Variants in CAND1 observed in about 807,000 individuals in gnomAD.
The protein encoded by CAND1 is cullin-associated NEDD8-dissociated protein 1.
A neutral mutation model predicts 108.5 loss-of-function variants in CAND1; 7 were observed. That is an observed-to-expected ratio of 0.06 (90% confidence interval 0.04 to 0.12). The LOEUF is 0.12. CAND1 is among the 10% of genes least tolerant of loss of function. CAND1 has a pLI of 1.00. For synonymous variants in CAND1, 534 were observed against 512.0 expected (o/e 1.04, Z -0.58); for missense variants, 941 against 1,448.7 (o/e 0.65, Z 5.69).
At chr12:67,281,142 A>G (rs2044616094) in intron 1 of CAND1, among the ~76,000 whole-genome samples, 1 of 150,794 alleles carries the variant, frequency 6.6e-6, no homozygotes, top group Admixed American at 6.6e-5. Flanking sequence ...ATAATACTAA[A>G]TTATTATTTT....
At chr12:67,291,154 C>CT (rs2044718482) in intron 2 of CAND1, among the ~76,000 whole-genome samples, 1 of 152,188 alleles carries the variant, frequency 6.6e-6, no homozygotes, top group Non-Finnish European at 1.5e-5. Context: ...AAAGGAAGGA[C>CT]TTTCCTCCAT....
Position 67,300,309 on chromosome 12 carries a change from G to C in CAND1, c.1000+1214G>C, listed in dbSNP as rs529809243. On this transcript the variant is annotated intron_variant, in intron 7 of 14. Coordinates refer to ENST00000545606, the MANE Select transcript of CAND1 (RefSeq NM_018448.5). ...CTGTTATACTGTTGATTTTTTTGTT[G>C]ATCTCATCTAGTCTCCTGGCTTTAA... is the stretch of plus-strand genomic sequence containing the variant. 1.1e-4 allele frequency among the ~76,000 whole-genome samples: 16 copies of C among 151,976 alleles called. No homozygotes were observed. The East Asian group carries it at 3.1e-3, about 29-fold the overall frequency.
At chr12:67,295,190 T>C (rs2044758182) in intron 4 of CAND1, 34 bp downstream of exon 4, 1 of 1,549,504 alleles carries the variant, frequency 6.5e-7, no homozygotes, top group Non-Finnish European at 8.7e-7. Flanking sequence ...TTACTCGTAA[T>C]ACAGATAACT....
Position 67,313,480 on chromosome 12 carries a change from A to G in CAND1, c.*650A>G, listed in dbSNP as rs1484641237. On this transcript the variant is annotated 3_prime_UTR_variant, in exon 15 of 15. Coordinates refer to ENST00000545606, the MANE Select transcript of CAND1 (RefSeq NM_018448.5). ...GTAAAGCAGCATGTGCAGATTATTC[A>G]TAATATAGAAGTTAAAATAAGTATT... The G allele has an allele frequency of 5.2e-5, 8 of 152,648 alleles. No individual in the cohort carries two copies. The highest frequency in any genetic ancestry group is 1.2e-4 in the Non-Finnish European group (8 of 68,026). The allele number at this position is 152,648 out of a possible 1,614,324, so 9.5% of individuals were successfully genotyped here. A position where few individuals can be genotyped will look rare whatever the true frequency, so the allele number is the denominator to read the frequency against.
At chr12:67,279,495 C>T (rs368584792) in intron 1 of CAND1, among the ~76,000 whole-genome samples, 3 of 152,286 alleles carry the variant, frequency 2.0e-5, no homozygotes, top group South Asian at 2.1e-4. Context: ...ATTTCAGGGT[C>T]ACCATTTAAA....
At position 67,306,594 on chromosome 12, in the gene CAND1, T is replaced by C. The variant is rs1188428321; in HGVS notation, c.2926T>C (p.Ser976Pro). The change falls in exon 10 of 15, where the codon TCA (serine) becomes CCA (proline). Residue 976 changes from serine to proline, a missense_variant. Transcript: ENST00000545606. ...TCCACGGCTTAAGGGGTACTTGATA[T>C]CAGGTAGGTATCTAGATTTTCTTAC... ...LLPRLKGYLI[S>P]GSSYARSSVV... The C allele has an allele frequency of 2.5e-6, 4 of 1,591,310 alleles. No homozygotes were observed. Among genetic ancestry groups the C allele is most frequent in the South Asian group, 1.1e-5 (1 of 86,992 alleles).
intron 2 of CAND1, among the ~76,000 whole-genome samples, chr12:67,291,332 A>G (rs1014169850): frequency 3.3e-5 from 5 of 152,240 alleles, no homozygotes; most frequent in Admixed American, 1.3e-4. Context: ...TTAGACAAGT[A>G]TATAAAAGGC....
At chr12:67,297,881 C>T (rs1257370583) in intron 6 of CAND1, 28 bp downstream of exon 6, 2 of 1,397,060 alleles carry the variant, frequency 1.4e-6, no homozygotes, top group Non-Finnish European at 2.0e-6. Flanking sequence ...CTATTTTTTA[C>T]AAAAAGTTTT....
Position 67,313,012 on chromosome 12 carries a change from A to G in CAND1, c.*182A>G. On this transcript the variant is annotated 3_prime_UTR_variant, in exon 15 of 15. Transcript: ENST00000545606. Reference sequence around the variant, plus strand: ...TGTTTTTGTAGCATTTATTTCAGAAATGTGTATTTCCATAATCCAGAGGTT... The same window carrying G: ...TGTTTTTGTAGCATTTATTTCAGAAGTGTGTATTTCCATAATCCAGAGGTT... The G allele has an allele frequency of 1.9e-6, 1 of 527,426 alleles. No homozygotes were observed. The highest frequency in any genetic ancestry group is 3.4e-6 in the Non-Finnish European group (1 of 298,420). 32.7% of individuals were successfully genotyped at this position (527,426 alleles called of 1,614,324 possible).
intron 1 of CAND1, among the ~76,000 whole-genome samples, chr12:67,274,559 T>G (rs1272932563): frequency 6.6e-6 from 1 of 152,200 alleles, no homozygotes; most frequent in African/African-American, 2.4e-5. Flanking sequence ...GCCATGTGGG[T>G]TCTCAGTAGG....
chr12:67,293,685 G>A (rs1408436605), intron 3 of CAND1, among the ~76,000 whole-genome samples: 3 of 152,244 alleles, frequency 2.0e-5, no homozygotes, highest in East Asian at 1.9e-4. Context: ...CTCAGGAGGC[G>A]GAGGTTGTGG....
rs1159177287 is a variant in CAND1 at position 67,317,523 on chromosome 12, C to T, written c.*4693C>T. ...AGATTGATGGAGTCTTGCTTTGTCT[C>T]CCAGGCTGGAGTGCAGTGGCGCAAT... On this transcript the variant is annotated 3_prime_UTR_variant, in exon 15 of 15. Transcript: ENST00000545606. 8.1e-6 allele frequency: 1 copy of T among 122,810 alleles called. No individual in the cohort carries two copies. The highest frequency in any genetic ancestry group is 3.3e-5 in the African/African-American group (1 of 30,012). 7.6% of individuals were successfully genotyped at this position (122,810 alleles called of 1,614,324 possible).
Position 67,317,077 on chromosome 12 carries a change from G to T in CAND1, c.*4247G>T, listed in dbSNP as rs187624853. 1 of 152,170 alleles carries T rather than the reference G, an allele frequency of 6.6e-6. No individual in the cohort carries two copies. Among genetic ancestry groups the T allele is most frequent in the Admixed American group, 6.5e-5 (1 of 15,274 alleles). The allele number at this position is 152,170 out of a possible 1,614,324, so 9.4% of individuals were successfully genotyped here. On this transcript the variant is annotated 3_prime_UTR_variant, in exon 15 of 15. Transcript: ENST00000545606. ...TAAGGATTACATATAATGAGAAGAC[G>T]TGTGGGCTGAAATACCTAGTGAACA...
Position 67,317,840 on chromosome 12 carries a change from C to G in CAND1, c.*5010C>G, listed in dbSNP as rs979322551. ...TGCCCCTGTTTCAGACTATTATATC[C>G]AACCACCTGCTATACATCTCATAAA... On this transcript the variant is annotated 3_prime_UTR_variant, in exon 15 of 15. Coordinates refer to ENST00000545606, the MANE Select transcript of CAND1 (RefSeq NM_018448.5). 2 of 152,254 alleles carry G rather than the reference C, an allele frequency of 1.3e-5. No individual in the cohort carries two copies. The highest frequency in any genetic ancestry group is 4.8e-5 in the African/African-American group (2 of 41,440). The allele number at this position is 152,254 out of a possible 1,614,324, so 9.4% of individuals were successfully genotyped here. A position where few individuals can be genotyped will look rare whatever the true frequency, so the allele number is the denominator to read the frequency against.
At chr12:67,291,606 C>G (rs1045677438) in intron 2 of CAND1, among the ~76,000 whole-genome samples, 2 of 152,104 alleles carry the variant, frequency 1.3e-5, no homozygotes. Flanking sequence ...TCATATATAT[C>G]TCTTATACAC....
intron 7 of CAND1, among the ~76,000 whole-genome samples, chr12:67,301,442 C>A (rs1028946737): frequency 6.6e-6 from 1 of 152,124 alleles, no homozygotes; most frequent in Non-Finnish European, 1.5e-5. Context: ...TTTAGACTAT[C>A]ATGATAACTG....
rs1035504048 is a variant in CAND1 at position 67,315,225 on chromosome 12, CG to C, written c.*2398del. 3.6e-4 allele frequency: 55 copies of C among 152,404 alleles called. No individual in the cohort carries two copies. The highest frequency in any genetic ancestry group is 1.3e-3 in the African/African-American group (52 of 41,548). The allele number at this position is 152,404 out of a possible 1,614,324, so 9.4% of individuals were successfully genotyped here. A position where few individuals can be genotyped will look rare whatever the true frequency, so the allele number is the denominator to read the frequency against. On this transcript the variant is annotated 3_prime_UTR_variant, in exon 15 of 15. Transcript: ENST00000545606. ...ATCCCAGCACTTTGGGAGGCCGAGG[CG>C]GGCGGATCACGAGGTCAGGAGATCG... is the stretch of plus-strand genomic sequence containing the variant.
At chr12:67,278,826 T>A (rs1228810408) in intron 1 of CAND1, among the ~76,000 whole-genome samples, 1 of 152,240 alleles carries the variant, frequency 6.6e-6, no homozygotes. Flanking sequence ...GGCCCCATAG[T>A]GTTTTCTTGA....
intron 11 of CAND1, 41 bp downstream of exon 11, chr12:67,307,533 T>C (rs201395861): frequency 1.8e-5 from 23 of 1,311,140 alleles, no homozygotes; most frequent in Non-Finnish European, 2.3e-5. Context: ...TTTTGGACTT[T>C]AGAATTCTCA....
Sources: allele counts gnomAD v4.1 joint callset (sites outside exome capture counted in the v4.1 genomes callset), GRCh38; gene constraint gnomAD v4.1.1; transcripts MANE v1.5; gene names NCBI Gene and HGNC (gene_info 2026-07-23, HGNC 2026-07-21).